The following RNF220 variants were observed in gnomAD, a reference collection of about 807,000 sequenced individuals.
RNF220 encodes the protein ring finger protein 220, also known as E3 ubiquitin-protein ligase RNF220.
A neutral mutation model predicts 67.1 loss-of-function variants in RNF220; 7 were observed. That is an observed-to-expected ratio of 0.10 (90% CI 0.06 to 0.20). The LOEUF is 0.20. RNF220 is among the 10% of genes least tolerant of loss of function. RNF220 has a pLI of 1.00. For missense variants in RNF220, 565 were observed against 740.3 expected (o/e 0.76, Z 2.75); for synonymous variants, 270 against 283.2 (o/e 0.95, Z 0.47).
chr1:44,422,347 T>C (rs1327398648), intron 2 of RNF220, among the ~76,000 whole-genome samples: 1 of 151,600 alleles, frequency 6.6e-6, no homozygotes, highest in Non-Finnish European at 1.5e-5. Flanking sequence ...AAAAAAAAAA[T>C]CCTTAGAACA....
intron 2 of RNF220, among the ~76,000 whole-genome samples, chr1:44,432,344 C>T (rs1165790698): frequency 1.4e-5 from 2 of 145,078 alleles, no homozygotes; most frequent in Non-Finnish European, 3.0e-5. Flanking sequence ...GATCTCGGCT[C>T]ACTGCAACCT....
intron 2 of RNF220, among the ~76,000 whole-genome samples, chr1:44,579,164 A>AAAAAAG (rs1160378946): frequency 6.6e-6 from 1 of 152,062 alleles, no homozygotes; most frequent in Non-Finnish European, 1.5e-5. Flanking sequence ...TCAGAAAAAA[A>AAAAAAG]AAAAAGAAAA....
At chr1:44,524,447 C>A (rs976774832) in intron 2 of RNF220, among the ~76,000 whole-genome samples, 6 of 152,116 alleles carry the variant, frequency 3.9e-5, no homozygotes, top group Non-Finnish European at 1.5e-5. Flanking sequence ...CTCCCAGCCC[C>A]CACCTCCCTC....
chr1:44,610,919 G>A (rs572327260), intron 2 of RNF220, among the ~76,000 whole-genome samples: 2 of 152,254 alleles, frequency 1.3e-5, no homozygotes, highest in South Asian at 2.1e-4. Flanking sequence ...TTTATGGCCC[G>A]TTTTATGGCC....
At chr1:44,617,133 G>A (rs1451754051) in intron 3 of RNF220, among the ~76,000 whole-genome samples, 1 of 151,680 alleles carries the variant, frequency 6.6e-6, no homozygotes, top group Non-Finnish European at 1.5e-5. Flanking sequence ...CTGCGCCCCC[G>A]GCACGCGCCC....
In RNF220 at chr1:44,622,812, C is replaced by T; in HGVS notation, c.804+25C>T. ...GGTAGGTGGCCAATTACATGTTTTC[C>T]TCCTGCCCATACTAACCTAGGCCTA... is the stretch of plus-strand genomic sequence containing the variant. On this transcript the variant is annotated intron_variant, in intron 4 of 14. Transcript: ENST00000361799. The surrounding 1 kb of genome is among the most constrained non-coding windows in gnomAD (Gnocchi z 4.3). The T allele has an allele frequency of 6.2e-7, 1 of 1,611,458 alleles. No homozygotes were observed. Among genetic ancestry groups the T allele is most frequent in the Non-Finnish European group, 8.5e-7 (1 of 1,177,676 alleles).
intron 2 of RNF220, among the ~76,000 whole-genome samples, chr1:44,599,251 T>TAATTGC (rs1398542817): frequency 6.6e-6 from 1 of 152,068 alleles, no homozygotes; most frequent in African/African-American, 2.4e-5. Flanking sequence ...GATAAATAAA[T>TAATTGC]AATTGCAATA....
chr1:44,580,053 AAAAAGAAAG>A (rs1558061731), intron 2 of RNF220, among the ~76,000 whole-genome samples: 5 of 146,028 alleles, frequency 3.4e-5, no homozygotes, highest in Non-Finnish European at 6.0e-5. Flanking sequence ...AAAAAAAAAA[AAAAAGAAAG>A]AAAAGAAAGA....
chr1:44,449,257 A>G (rs1447030419), intron 2 of RNF220, among the ~76,000 whole-genome samples: 1 of 152,214 alleles, frequency 6.6e-6, no homozygotes, highest in Non-Finnish European at 1.5e-5. Flanking sequence ...GATACAGCAC[A>G]TTCAACACGA....
At chr1:44,527,933 A>AAAAAAG (rs1660516674) in intron 2 of RNF220, among the ~76,000 whole-genome samples, 2 of 146,812 alleles carry the variant, frequency 1.4e-5, no homozygotes, top group African/African-American at 2.5e-5. Context: ...CCCAAAAAAA[A>AAAAAAG]AAAAAAAAAA....
At chr1:44,407,671 A>G (rs1458720701) in intron 1 of RNF220, among the ~76,000 whole-genome samples, 1 of 151,962 alleles carries the variant, frequency 6.6e-6, no homozygotes, top group African/African-American at 2.4e-5. Context: ...CGGCGGCCGG[A>G]CGGCCGCGGT....
chr1:44,577,933 C>T (rs1451964194), intron 2 of RNF220, among the ~76,000 whole-genome samples: 2 of 150,940 alleles, frequency 1.3e-5, no homozygotes, highest in South Asian at 4.2e-4. Flanking sequence ...ACCTTCTGGG[C>T]TCAAGTGATC....
intron 5 of RNF220, chr1:44,632,067 G>A: frequency 2.6e-6 from 3 of 1,133,012 alleles, no homozygotes; most frequent in Non-Finnish European, 2.2e-6. Context: ...CCGGCCGGGC[G>A]GCCGTGGGGC....
Position 44,632,400 on chromosome 1 carries a change from G to GCCCCCACCCC in RNF220, c.949+19_949+20insCACCCCCCCC. 6.2e-7 allele frequency: 1 copy of GCCCCCACCCC among 1,607,452 alleles called. No homozygotes were observed. The highest frequency in any genetic ancestry group is 8.5e-7 in the Non-Finnish European group (1 of 1,177,492). The stretch of plus-strand genomic sequence containing the variant: ...CCGACTGAATGGTGAGTCCTGCCCG[G>GCCCCCACCCC]CCCCTCCCTCCGCCCCACCCCCGGC... On this transcript the variant is annotated intron_variant, in intron 6 of 14. Transcript: ENST00000361799.
intron 2 of RNF220, among the ~76,000 whole-genome samples, chr1:44,588,358 C>T (rs1381956141): frequency 6.6e-6 from 1 of 152,220 alleles, no homozygotes; most frequent in Non-Finnish European, 1.5e-5. Context: ...ATCCCGGGCA[C>T]CAGCACGGCC....
At chr1:44,457,369 A>G (rs1454918732) in intron 2 of RNF220, among the ~76,000 whole-genome samples, 1 of 152,216 alleles carries the variant, frequency 6.6e-6, no homozygotes, top group East Asian at 1.9e-4. Flanking sequence ...GAATGAAAAA[A>G]TGAATGAAAA....
intron 2 of RNF220, among the ~76,000 whole-genome samples, chr1:44,467,638 A>G (rs975246959): frequency 2.6e-5 from 4 of 152,234 alleles, no homozygotes; most frequent in African/African-American, 9.6e-5. Flanking sequence ...TCTTCTATCC[A>G]GACCACTAAA....
At chr1:44,535,224 T>C (rs1284200935) in intron 2 of RNF220, among the ~76,000 whole-genome samples, 2 of 142,024 alleles carry the variant, frequency 1.4e-5, no homozygotes, top group Non-Finnish European at 3.0e-5. Flanking sequence ...CACCGCAACC[T>C]CTGCCTCCCT....
rs377347315 is a variant in RNF220, at chr1:44,445,635, G to A, written c.625+32913G>A. ...TTTTCTTCCCTTTACTCTTAATTGG[G>A]AGAATACCTGCACATCTTCTGAAAC... On this transcript the variant is annotated intron_variant, in intron 2 of 14. Transcript: ENST00000361799. Among the ~76,000 whole-genome samples, 4 of 151,854 alleles carry A rather than the reference G, an allele frequency of 2.6e-5. No homozygotes were observed. The South Asian group carries it at 8.3e-4, about 32-fold the overall frequency.
Sources: gnomAD v4.1 joint callset for allele counts (sites outside exome capture counted in the v4.1 genomes callset) on GRCh38, gnomAD v4.1.1 for gene constraint, Gnocchi (gnomAD v3.1) non-coding constraint, MANE v1.5 for transcripts, NCBI Gene and HGNC (gene_info 2026-07-23, HGNC 2026-07-21) for gene names.